Variants in GALNT10 observed in about 807,000 individuals in gnomAD.
GALNT10 encodes the protein GalNAc transferase 10.
Under a neutral mutation model 75.0 loss-of-function variants are expected in GALNT10, and 41 were observed. The ratio of observed to expected loss-of-function variants is 0.55; its 90% CI spans 0.43 to 0.71. The LOEUF is 0.71. Among genes scored for constraint, GALNT10 ranks in the 30% least tolerant of loss-of-function variants. The pLI is 0.00. For synonymous variants in GALNT10, 302 were observed against 313.0 expected (o/e 0.96, Z 0.37); for missense variants, 727 against 818.5 (o/e 0.89, Z 1.36).
chr5:154,271,829 C>G (rs765990407), intron 1 of GALNT10, among the ~76,000 whole-genome samples: 1 of 152,170 alleles, frequency 6.6e-6, no homozygotes, highest in Non-Finnish European at 1.5e-5. Flanking sequence ...AGAAAATAAG[C>G]CTTCTGCAGT....
At chr5:154,385,000 AG>A (rs1755788513) in intron 6 of GALNT10, among the ~76,000 whole-genome samples, 1 of 152,196 alleles carries the variant, frequency 6.6e-6, no homozygotes, top group African/African-American at 2.4e-5. Context: ...CCCCTTTTAA[AG>A]GAGTCCTGCC....
At chr5:154,303,990 G>A (rs542574008) in intron 3 of GALNT10, among the ~76,000 whole-genome samples, 11 of 152,096 alleles carry the variant, frequency 7.2e-5, no homozygotes, top group Admixed American at 2.0e-4. Flanking sequence ...GATCCAAATC[G>A]AAATTCTAGA....
chr5:154,215,208 C>T (rs969988138), intron 1 of GALNT10, among the ~76,000 whole-genome samples: 11 of 152,288 alleles, frequency 7.2e-5, no homozygotes, highest in East Asian at 1.9e-4. Context: ...CTAGCCTGGG[C>T]GCAGTGGCTC....
intron 4 of GALNT10, among the ~76,000 whole-genome samples, chr5:154,335,750 C>T (rs1754937079): frequency 6.6e-6 from 1 of 152,162 alleles, no homozygotes; most frequent in Non-Finnish European, 1.5e-5. Context: ...TCTGAAAGTA[C>T]AGAGAGTTCC....
chr5:154,269,147 G>A (rs145797106), intron 1 of GALNT10, among the ~76,000 whole-genome samples: 293 of 127,652 alleles, frequency 2.3e-3, no homozygotes, highest in African/African-American at 9.1e-3. Context: ...CACCACACCC[G>A]GCTAATTTTT....
At chr5:154,380,392 C>G in intron 5 of GALNT10, 56 bp from the exon 6 acceptor site, 1 of 1,331,480 alleles carries the variant, frequency 7.5e-7, no homozygotes, top group Non-Finnish European at 1.1e-6. Context: ...CAGGATGGTG[C>G]ACTTAGCTGC....
At position 154,416,696 on chromosome 5, in the gene GALNT10, G is replaced by C. The variant is rs978521521; in HGVS notation, c.1654-118G>C. On this transcript the variant is annotated intron_variant, in intron 11 of 11. Coordinates refer to ENST00000297107, the MANE Select transcript of GALNT10 (RefSeq NM_198321.4). The surrounding 1 kb of genome is among the most constrained non-coding windows in gnomAD (Gnocchi z 4.5). Reference sequence around the variant, plus strand: ...GAGCTCAGGAGGAAAACCAACAGGTGTATGAACAGCTAGTCAGTCAGTCAC... The same window carrying C: ...GAGCTCAGGAGGAAAACCAACAGGTCTATGAACAGCTAGTCAGTCAGTCAC... 1 of 760,326 alleles carries C rather than the reference G, an allele frequency of 1.3e-6. No homozygotes were observed. Among genetic ancestry groups the C allele is most frequent in the African/African-American group, 1.7e-5 (1 of 58,402 alleles). 47.1% of individuals were successfully genotyped at this position (760,326 alleles called of 1,614,324 possible).
At chr5:154,195,639 C>G (rs7718628) in intron 1 of GALNT10, among the ~76,000 whole-genome samples, 61,678 of 152,026 alleles carry the variant, frequency 0.41, 14,267 homozygotes, top group African/African-American at 0.63. Context: ...AAACTGAGGC[C>G]GAGAAAAAGG....
At chr5:154,264,195 C>A (rs1203589643) in intron 1 of GALNT10, among the ~76,000 whole-genome samples, 1 of 151,828 alleles carries the variant, frequency 6.6e-6, no homozygotes, top group African/African-American at 2.4e-5. Flanking sequence ...TGCCTGTAAT[C>A]CCAGCTACTT....
chr5:154,252,511 A>G (rs1301657770), intron 1 of GALNT10, among the ~76,000 whole-genome samples: 2 of 152,100 alleles, frequency 1.3e-5, no homozygotes, highest in Non-Finnish European at 2.9e-5. Flanking sequence ...TTCTGGCATT[A>G]AGATGTTTAC....
intron 1 of GALNT10, among the ~76,000 whole-genome samples, chr5:154,216,272 C>T (rs1752870509): frequency 6.6e-6 from 1 of 152,064 alleles, no homozygotes; most frequent in African/African-American, 2.4e-5. Flanking sequence ...AAAAATACTG[C>T]TATGTGTTAT....
At chr5:154,293,180 A>T (rs1191049359) in intron 1 of GALNT10, among the ~76,000 whole-genome samples, 1 of 152,220 alleles carries the variant, frequency 6.6e-6, no homozygotes, top group Non-Finnish European at 1.5e-5. Flanking sequence ...GGACGATTTT[A>T]TTCAGGGGGC....
chr5:154,202,501 G>A (rs1482518175), intron 1 of GALNT10, among the ~76,000 whole-genome samples: 2 of 152,214 alleles, frequency 1.3e-5, no homozygotes, highest in Admixed American at 1.3e-4. Context: ...TGCCCTTACT[G>A]TTGTCATTTT....
intron 1 of GALNT10, chr5:154,287,514 G>C (rs1282498172): frequency 6.6e-6 from 1 of 151,954 alleles, no homozygotes; most frequent in Non-Finnish European, 1.5e-5. Flanking sequence ...GATCGTCCCA[G>C]GTAGAATTTA....
At chr5:154,306,751 C>A (rs1371163698) in intron 3 of GALNT10, among the ~76,000 whole-genome samples, 3 of 151,788 alleles carry the variant, frequency 2.0e-5, no homozygotes, top group Non-Finnish European at 4.4e-5. Context: ...ACAAAAAAAA[C>A]TTAGGAGAAA....
intron 1 of GALNT10, among the ~76,000 whole-genome samples, chr5:154,239,533 TAATA>T (rs1410675672): frequency 2.0e-5 from 3 of 152,204 alleles, no homozygotes; most frequent in African/African-American, 7.2e-5. Context: ...GAGAATCTAA[TAATA>T]AATGTAATGC....
At position 154,276,432 on chromosome 5, in the gene GALNT10, C is replaced by T. The variant is rs1753954283; in HGVS notation, c.160-18384C>T. ...CTTCAGTACCGCCAGATGGAGAAAG[C>T]TCTCAGCTTTTTGTGTGTGATTAGG... On this transcript the variant is annotated intron_variant, in intron 1 of 11. Transcript: ENST00000297107. Among the ~76,000 whole-genome samples the T allele has an allele frequency of 2.0e-5, 3 of 152,246 alleles. No homozygotes were observed. In the South Asian group the frequency reaches 6.2e-4, roughly 32 times the overall value.
chr5:154,336,283 C>T (rs954376963), intron 4 of GALNT10, among the ~76,000 whole-genome samples: 6 of 152,304 alleles, frequency 3.9e-5, no homozygotes, highest in Admixed American at 3.9e-4. Context: ...ATTAGTAAAA[C>T]TACTATGAAC....
In GALNT10 at chr5:154,311,319, A is replaced by G. The variant is rs17629516; in HGVS notation, c.401+13240A>G. 6.9e-3 allele frequency among the ~76,000 whole-genome samples: 1,046 copies of G among 152,312 alleles called. 4 individuals carry two copies. Among genetic ancestry groups the G allele is most frequent in the Non-Finnish European group, 0.01 (690 of 68,030 alleles). On this transcript the variant is annotated intron_variant, in intron 3 of 11. Transcript: ENST00000297107. Reference sequence around the variant, plus strand: ...TGTTCCTATTCAGAATTGTTGTGTGATGATGATTTATTTCTTTTATACTCA... The same window carrying G: ...TGTTCCTATTCAGAATTGTTGTGTGGTGATGATTTATTTCTTTTATACTCA...
Sources: gnomAD v4.1 joint callset for allele counts (sites outside exome capture counted in the v4.1 genomes callset) on GRCh38, gnomAD v4.1.1 for gene constraint, Gnocchi (gnomAD v3.1) non-coding constraint, MANE v1.5 for transcripts, NCBI Gene and HGNC (gene_info 2026-07-23, HGNC 2026-07-21) for gene names.